Variants in USP43 observed in about 807,000 individuals in gnomAD.
USP43 encodes the protein ubiquitin specific peptidase 43, also known as ubiquitin carboxyl-terminal hydrolase 43.
USP43 carries 33 observed loss-of-function variants against 90.7 expected under a neutral mutation model. The ratio of observed to expected loss-of-function variants is 0.36; its 90% CI spans 0.28 to 0.49. The LOEUF (loss-of-function observed/expected upper bound fraction) is 0.49. Among genes scored for constraint, USP43 ranks in the 20% least tolerant of loss-of-function variants. The pLI is 0.98. For missense variants in USP43, 1,274 were observed against 1,476.4 expected (o/e 0.86, Z 2.25); for synonymous variants, 598 against 615.8 (o/e 0.97, Z 0.43).
intron 6 of USP43, among the ~76,000 whole-genome samples, 167 bp downstream of exon 6, chr17:9,680,533 T>C (rs549440250): frequency 6.6e-6 from 1 of 152,296 alleles, no homozygotes; most frequent in African/African-American, 2.4e-5. Context: ...TAAAAATTAT[T>C]CACCTAACAC....
chr17:9,655,759 A>G (rs1912198451), intron 1 of USP43, among the ~76,000 whole-genome samples: 1 of 152,218 alleles, frequency 6.6e-6, no homozygotes. Context: ...ATGCATATTT[A>G]TCAAAGGAAT....
rs1204662917 is a variant in USP43 at position 9,674,272 on chromosome 17, G to A, written c.741-619G>A. ...ACATTCTTTTCCCTTTTAAAAAAACGGAGGTGAAAGTCCTGTAACATAAAG... is the reference window on the plus strand; with the variant it reads ...ACATTCTTTTCCCTTTTAAAAAAACAGAGGTGAAAGTCCTGTAACATAAAG... On this transcript the variant is annotated intron_variant, in intron 3 of 14. Coordinates refer to ENST00000285199, the MANE Select transcript of USP43 (RefSeq NM_153210.5). The surrounding 1 kb of genome is among the most constrained non-coding windows in gnomAD (Gnocchi z 4.4). 2.6e-5 allele frequency among the ~76,000 whole-genome samples: 4 copies of A among 152,080 alleles called. No individual in the cohort carries two copies. The highest frequency in any genetic ancestry group is 9.7e-5 in the African/African-American group (4 of 41,384).
In USP43 at chr17:9,709,051, G is replaced by A. The variant is rs1340114036; in HGVS notation, c.2012-905G>A. ...TATGTGGCCATATGTGACCTGCAAA[G>A]TCTCAATATTTGTCATCTGGTCCCT... On this transcript the variant is annotated intron_variant, in intron 12 of 14. Transcript: ENST00000285199. This position sits in a 1 kb window ranked among gnomAD's most constrained non-coding sequence, Gnocchi z 5.0. Among the ~76,000 whole-genome samples the A allele has an allele frequency of 6.6e-6, 1 of 152,158 alleles. No individual in the cohort carries two copies. Among genetic ancestry groups the A allele is most frequent in the East Asian group, 1.9e-4 (1 of 5,198 alleles).
intron 1 of USP43, among the ~76,000 whole-genome samples, chr17:9,652,543 A>G (rs1320465785): frequency 6.6e-6 from 1 of 151,926 alleles, no homozygotes; most frequent in Non-Finnish European, 1.5e-5. Context: ...TTGTATTTTT[A>G]GTAGAGACGG....
chr17:9,723,751 T>G (rs1008380880), intron 14 of USP43, among the ~76,000 whole-genome samples: 1 of 151,382 alleles, frequency 6.6e-6, no homozygotes, highest in African/African-American at 2.4e-5. Context: ...ACCTGGCTAA[T>G]TTTTGTATTT....
At chr17:9,707,503 C>T (rs1289746148) in intron 12 of USP43, among the ~76,000 whole-genome samples, 4 of 151,724 alleles carry the variant, frequency 2.6e-5, no homozygotes, top group African/African-American at 4.8e-5. Flanking sequence ...AACAATTAGC[C>T]GGGTGTGGTG....
chr17:9,692,630 A>G (rs1415114292), intron 8 of USP43, among the ~76,000 whole-genome samples: 1 of 152,260 alleles, frequency 6.6e-6, no homozygotes, highest in East Asian at 1.9e-4. Flanking sequence ...TATAATAAAC[A>G]CATATCTTAG....
At chr17:9,712,167 T>G in intron 14 of USP43, 35 bp downstream of exon 14, 2 of 1,523,378 alleles carry the variant, frequency 1.3e-6, no homozygotes, top group South Asian at 2.6e-5. Flanking sequence ...TGATTTTCAT[T>G]TTCTGTAATG....
chr17:9,689,381 A>C (rs758761948), intron 8 of USP43, among the ~76,000 whole-genome samples: 1 of 151,422 alleles, frequency 6.6e-6, no homozygotes, highest in Non-Finnish European at 1.5e-5. Flanking sequence ...ATTTGCATGT[A>C]TTATGAAAAA....
chr17:9,706,204 T>A (rs928793030), intron 12 of USP43, among the ~76,000 whole-genome samples: 1 of 152,226 alleles, frequency 6.6e-6, no homozygotes, highest in Non-Finnish European at 1.5e-5. Context: ...CTTTTTCCCA[T>A]CAATTTCTAG....
intron 1 of USP43, among the ~76,000 whole-genome samples, chr17:9,654,215 G>A (rs774147469): frequency 1.1e-4 from 17 of 152,092 alleles, no homozygotes; most frequent in African/African-American, 3.1e-4. Flanking sequence ...GTGTAAATAC[G>A]TCCCAAATAT....
In USP43 at chr17:9,711,993, T is replaced by A. The variant is rs759156979; in HGVS notation, c.2196T>A (p.Asp732Glu). 6.2e-7 allele frequency: 1 copy of A among 1,611,238 alleles called. No individual in the cohort carries two copies. Among genetic ancestry groups the A allele is most frequent in the South Asian group, 1.1e-5 (1 of 90,630 alleles). The change falls in exon 14 of 15, where the codon GAT (aspartate) becomes GAA (glutamate). Residue 732 changes from aspartate to glutamate, a missense_variant. Around this residue, in one of 6 missense-constraint regions of USP43, gnomAD observed 285 missense variants for 349.6 expected, o/e 0.82. Transcript: ENST00000285199. ...GCTCTACCAGCTCCTCCCTGTCTGA[T>A]CACTGGCTCTTACGGCTCGGGAGCC... ...MRGSTSSSLS[D>E]HWLLRLGSHA...
chr17:9,670,142 C>G (rs1162843639), intron 3 of USP43, among the ~76,000 whole-genome samples: 5 of 151,670 alleles, frequency 3.3e-5, no homozygotes, highest in Non-Finnish European at 7.4e-5. Context: ...AGGTTCAAGC[C>G]ATTCTCCTGC....
intron 2 of USP43, among the ~76,000 whole-genome samples, chr17:9,657,494 C>T (rs1206329356): frequency 2.1e-5 from 3 of 144,736 alleles, no homozygotes; most frequent in Non-Finnish European, 4.5e-5. Context: ...AGTGAAACTC[C>T]GTCTCAAAAA....
Position 9,676,874 on chromosome 17 carries a change from C to A in USP43, c.962C>A (p.Ala321Glu), listed in dbSNP as rs775999443. The A allele has an allele frequency of 2.5e-6, 4 of 1,613,508 alleles. No homozygotes were observed. The South Asian group carries it at 3.3e-5, about 13-fold the overall frequency. Residue 321 changes from alanine to glutamate, a missense_variant, in exon 5 of 15, where the codon GCA becomes GAA. By Grantham distance (107) the Ala-to-Glu change is moderately radical. Coordinates refer to ENST00000285199, the MANE Select transcript of USP43 (RefSeq NM_153210.5). ...KMVAEEGGVP[A>E]DEVILVELYP... is the part of the protein sequence containing the mutation. ...GTTGCAGAGGAAGGAGGCGTCCCTG[C>A]AGATGAGGTGTGATAGAATTGCACT...
intron 8 of USP43, among the ~76,000 whole-genome samples, chr17:9,689,057 G>A (rs1460229406): frequency 1.3e-5 from 2 of 152,290 alleles, no homozygotes; most frequent in African/African-American, 4.8e-5. Context: ...GGCAACCTTT[G>A]ACTCAGCCAC....
At chr17:9,661,480 C>T (rs1446944902) in intron 2 of USP43, among the ~76,000 whole-genome samples, 1 of 152,062 alleles carries the variant, frequency 6.6e-6, no homozygotes, top group Non-Finnish European at 1.5e-5. Context: ...CCTCAGCCCC[C>T]GACTGAGTAG....
intron 3 of USP43, among the ~76,000 whole-genome samples, chr17:9,671,316 T>C (rs112984729): frequency 0.013 from 1,946 of 152,226 alleles, 39 homozygotes; most frequent in African/African-American, 0.045. Flanking sequence ...ATTCTTCATG[T>C]CCTTCATAGC....
intron 1 of USP43, among the ~76,000 whole-genome samples, chr17:9,651,231 C>G (rs981521697): frequency 6.6e-5 from 10 of 151,954 alleles, no homozygotes; most frequent in Non-Finnish European, 1.3e-4. Context: ...CTCTGTCACC[C>G]AGGCTGGAGT....
Sources: gnomAD v4.1 joint callset for allele counts (sites outside exome capture counted in the v4.1 genomes callset) on GRCh38, gnomAD v4.1.1 for gene constraint, gnomAD v4.1.1 regional missense constraint, Gnocchi (gnomAD v3.1) non-coding constraint, MANE v1.5 for transcripts, NCBI Gene and HGNC (gene_info 2026-07-23, HGNC 2026-07-21) for gene names.